The following BID variants were observed in gnomAD, a reference collection of about 807,000 sequenced individuals.
BID encodes BH3 interacting domain death agonist.
In BID, 19 loss-of-function variants were observed where a neutral mutation model predicts 17.4. The ratio of observed to expected loss-of-function variants is 1.09; its 90% confidence interval spans 0.76 to 1.60. The LOEUF is 1.60. Among genes scored for constraint, BID ranks in the 40% most tolerant of loss-of-function variants. The pLI, the probability that BID is intolerant of heterozygous loss-of-function variation, is 0.00. For synonymous variants in BID, 108 were observed against 102.8 expected (o/e 1.05, Z -0.31); for missense variants, 226 against 256.0 (o/e 0.88, Z 0.80).
intron 1 of BID, among the ~76,000 whole-genome samples, chr22:17,766,282 C>CTTTTTTTT (rs71201884): frequency 3.0e-5 from 4 of 135,140 alleles, no homozygotes; most frequent in East Asian, 2.1e-4. Flanking sequence ...TTCTTTCTTT[C>CTTTTTTTT]TTTTTTTTTT....
intron 1 of BID, among the ~76,000 whole-genome samples, chr22:17,767,845 G>A (rs2061689831): frequency 6.6e-6 from 1 of 152,146 alleles, no homozygotes; most frequent in Non-Finnish European, 1.5e-5. Flanking sequence ...CAGCACTGTG[G>A]GAGGCCAAGG....
At chr22:17,739,892 G>A (rs1475131137) in intron 3 of BID, 2 of 663,374 alleles carry the variant, frequency 3.0e-6, no homozygotes, top group Admixed American at 2.5e-5. Flanking sequence ...CGGCATCCCA[G>A]ACCCACTTTT....
At chr22:17,766,544 G>A (rs2061679970) in intron 1 of BID, among the ~76,000 whole-genome samples, 1 of 151,678 alleles carries the variant, frequency 6.6e-6, no homozygotes, top group African/African-American at 2.4e-5. Flanking sequence ...GCCTCCCAAA[G>A]TGCTGGGATT....
At chr22:17,749,967 G>A (rs8190290) in intron 2 of BID, 138 bp downstream of exon 2, 1 of 796,964 alleles carries the variant, frequency 1.3e-6, no homozygotes, top group Non-Finnish European at 2.0e-6. Context: ...GGCTGGGCGG[G>A]GTTCGTCTGT....
Position 17,740,039 on chromosome 22 carries a change from C to A in BID, c.224-551G>T, listed in dbSNP as rs760020085. On this transcript the variant is annotated intron_variant, in intron 3 of 5. Transcript: ENST00000622694. ...GCTCTCCCCCTTGCCCCTCAGTCCTCCTCCTCTGGCGCACAGCCTCCGTGC... is the reference window on the plus strand; with the variant it reads ...GCTCTCCCCCTTGCCCCTCAGTCCTACTCCTCTGGCGCACAGCCTCCGTGC... 8.2e-6 allele frequency: 13 copies of A among 1,590,804 alleles called. No homozygotes were observed. The South Asian group carries it at 1.2e-4, about 15-fold the overall frequency.
At chr22:17,770,149 T>C (rs1601884957) in intron 1 of BID, among the ~76,000 whole-genome samples, 1 of 152,128 alleles carries the variant, frequency 6.6e-6, no homozygotes, top group African/African-American at 2.4e-5. Flanking sequence ...TGACCCCAGA[T>C]GGCTCTCCCT....
intron 2 of BID, among the ~76,000 whole-genome samples, 156 bp from the exon 3 acceptor site, chr22:17,744,169 G>T (rs888197362): frequency 6.6e-6 from 1 of 152,190 alleles, no homozygotes; most frequent in Non-Finnish European, 1.5e-5. Context: ...GTCTCAACAG[G>T]CAGAGGCAAG....
At chr22:17,762,076 G>C (rs1022006049) in intron 1 of BID, among the ~76,000 whole-genome samples, 3 of 151,958 alleles carry the variant, frequency 2.0e-5, no homozygotes, top group Admixed American at 2.0e-4. Context: ...CTTTCCCAGG[G>C]GCTGAGCGAA....
chr22:17,770,971 C>G (rs1040838708), intron 1 of BID, among the ~76,000 whole-genome samples: 55 of 152,260 alleles, frequency 3.6e-4, no homozygotes, highest in African/African-American at 1.3e-3. Context: ...TATCTCCTCC[C>G]CTGGGGCCAC....
chr22:17,762,355 G>T (rs1214416922), intron 1 of BID, among the ~76,000 whole-genome samples: 1 of 151,994 alleles, frequency 6.6e-6, no homozygotes, highest in Non-Finnish European at 1.5e-5. Context: ...AAATTAGCCG[G>T]GCATGATGGC....
chr22:17,755,895 T>C (rs1385428630), intron 1 of BID, among the ~76,000 whole-genome samples: 2 of 151,922 alleles, frequency 1.3e-5, no homozygotes, highest in Non-Finnish European at 2.9e-5. Flanking sequence ...TGAGACGGAG[T>C]CTCACTCTGT....
chr22:17,771,455 T>C, intron 1 of BID, among the ~76,000 whole-genome samples: 1 of 147,206 alleles, frequency 6.8e-6, no homozygotes. Context: ...GCTGATAGGA[T>C]TCAAGGAGTG....
chr22:17,751,329 G>C (rs952773205), intron 1 of BID, among the ~76,000 whole-genome samples: 1 of 150,690 alleles, frequency 6.6e-6, no homozygotes, highest in Admixed American at 6.6e-5. Flanking sequence ...CCGAGATTGC[G>C]CCACTGCAGT....
intron 3 of BID, among the ~76,000 whole-genome samples, chr22:17,741,778 A>C (rs2061461428): frequency 6.6e-6 from 1 of 152,098 alleles, no homozygotes. Context: ...ACCCAGCCTC[A>C]CTGTAGCATT....
chr22:17,753,693 T>C (rs945502867), intron 1 of BID, among the ~76,000 whole-genome samples: 6 of 152,182 alleles, frequency 3.9e-5, no homozygotes, highest in African/African-American at 4.8e-5. Flanking sequence ...AAGTTGCTAG[T>C]AAGAAGGAAA....
At chr22:17,755,082 CT>C (rs59654004) in intron 1 of BID, among the ~76,000 whole-genome samples, 2,269 of 99,302 alleles carry the variant, frequency 0.023, 51 homozygotes, top group African/African-American at 0.081. Flanking sequence ...TTTTTCTTTT[CT>C]TTTTTTTTTT....
intron 1 of BID, among the ~76,000 whole-genome samples, chr22:17,754,867 C>T (rs954942701): frequency 6.6e-6 from 1 of 152,006 alleles, no homozygotes; most frequent in Non-Finnish European, 1.5e-5. Context: ...CAGATTCTAG[C>T]GATTCTCCTG....
chr22:17,761,769 G>A (rs1196804675), intron 1 of BID, among the ~76,000 whole-genome samples: 3 of 152,154 alleles, frequency 2.0e-5, no homozygotes, highest in Non-Finnish European at 4.4e-5. Context: ...GCATTAATGA[G>A]TAAACAAAGA....
At chr22:17,768,422 G>T (rs2061693840) in intron 1 of BID, among the ~76,000 whole-genome samples, 1 of 152,234 alleles carries the variant, frequency 6.6e-6, no homozygotes. Context: ...TGACCCGGGA[G>T]TCCTGCCTCC....
Sources: gnomAD v4.1 joint callset for allele counts (sites outside exome capture counted in the v4.1 genomes callset) on GRCh38, gnomAD v4.1.1 for gene constraint, MANE v1.5 for transcripts, NCBI Gene and HGNC (gene_info 2026-07-23, HGNC 2026-07-21) for gene names.